HSPA14: variants seen among roughly 807,000 people sequenced by gnomAD.
HSPA14 encodes the protein heat shock protein family A (Hsp70) member 14, also known as heat shock 70 kDa protein 14.
Under a neutral mutation model 65.5 loss-of-function variants are expected in HSPA14, and 37 were observed. That is an observed-to-expected ratio of 0.56 (90% CI 0.43 to 0.74). The LOEUF (loss-of-function observed/expected upper bound fraction) is 0.74. Among genes scored for constraint, HSPA14 ranks in the 30% least tolerant of loss-of-function variants. The pLI is 0.00. For missense variants in HSPA14, 564 were observed against 607.6 expected (o/e 0.93, Z 0.75); for synonymous variants, 203 against 214.2 (o/e 0.95, Z 0.46).
At position 14,849,817 on chromosome 10, in the gene HSPA14, T is replaced by C. The variant is rs1233154117; in HGVS notation, c.467+6T>C. The C allele has an allele frequency of 1.9e-6, 3 of 1,562,538 alleles. No individual in the cohort carries two copies. Among genetic ancestry groups the C allele is most frequent in the Admixed American group, 3.4e-5 (2 of 58,866 alleles). ...AAGCAAAAAAATGCTCTTGGGTAAGTATATGGGGTTTATCTTACTGGCTTA... is the reference window on the plus strand; with the variant it reads ...AAGCAAAAAAATGCTCTTGGGTAAGCATATGGGGTTTATCTTACTGGCTTA... On this transcript the variant is annotated splice_donor_region_variant and intron_variant, in intron 6 of 13. Transcript: ENST00000378372.
intron 10 of HSPA14, among the ~76,000 whole-genome samples, chr10:14,858,447 C>T (rs1832725881): frequency 6.6e-6 from 1 of 152,182 alleles, no homozygotes; most frequent in Non-Finnish European, 1.5e-5. Context: ...GACCTTGGTA[C>T]AGTAAGAAAA....
rs11813780 is a variant in HSPA14 at position 14,861,082 on chromosome 10, T to C, written c.993+5139T>C. Among the ~76,000 whole-genome samples, 1,254 of 152,208 alleles carry C rather than the reference T, an allele frequency of 8.2e-3. 22 individuals carry two copies. Among genetic ancestry groups the C allele is most frequent in the African/African-American group, 0.028 (1,175 of 41,524 alleles). ...GAGGATTGACCCTTGGACTTGGCAATGTGGAATGGCTTGTCAGAGCAATTG... is the reference window on the plus strand; with the variant it reads ...GAGGATTGACCCTTGGACTTGGCAACGTGGAATGGCTTGTCAGAGCAATTG... On this transcript the variant is annotated intron_variant, in intron 10 of 13. Coordinates refer to ENST00000378372, the MANE Select transcript of HSPA14 (RefSeq NM_016299.4).
At chr10:14,861,642 C>T (rs989869986) in intron 10 of HSPA14, among the ~76,000 whole-genome samples, 1 of 152,086 alleles carries the variant, frequency 6.6e-6, no homozygotes, top group Non-Finnish European at 1.5e-5. Flanking sequence ...ATGCTGGATT[C>T]CTTCTTTTGT....
At chr10:14,866,233 C>T (rs190535273) in intron 10 of HSPA14, among the ~76,000 whole-genome samples, 163 of 152,196 alleles carry the variant, frequency 1.1e-3, no homozygotes, top group African/African-American at 3.4e-3. Flanking sequence ...CAAGGAAAAC[C>T]TAGTTTTTAA....
chr10:14,863,370 T>C (rs1832773694), intron 10 of HSPA14, among the ~76,000 whole-genome samples: 2 of 152,196 alleles, frequency 1.3e-5, no homozygotes, highest in Admixed American at 1.3e-4. Flanking sequence ...CCTTAGCTAC[T>C]TGGCTCCAAC....
At chr10:14,867,448 CCTA>C (rs1284891361) in intron 11 of HSPA14, among the ~76,000 whole-genome samples, 153 bp downstream of exon 11, 1 of 152,066 alleles carries the variant, frequency 6.6e-6, no homozygotes, top group Non-Finnish European at 1.5e-5. Flanking sequence ...GATTTATAAT[CCTA>C]CTTTTAAGGT....
chr10:14,845,563 A>G (rs1201674777), intron 3 of HSPA14: 1 of 977,864 alleles, frequency 1.0e-6, no homozygotes, highest in African/African-American at 1.8e-5. Flanking sequence ...AGTTTGTTTC[A>G]TCAGACAAAT....
At chr10:14,846,610 C>T (rs900391375) in intron 3 of HSPA14, 1 of 962,266 alleles carries the variant, frequency 1.0e-6, no homozygotes, top group Non-Finnish European at 1.2e-6. Flanking sequence ...TCCAGCATTC[C>T]ATAACTCAGG....
rs534733746 is a variant in HSPA14, at chr10:14,861,217, T to C, written c.993+5274T>C. Among the ~76,000 whole-genome samples the C allele has an allele frequency of 9.2e-5, 14 of 152,160 alleles. No homozygotes were observed. The East Asian group carries it at 1.5e-3, about 17-fold the overall frequency. On this transcript the variant is annotated intron_variant, in intron 10 of 13. Transcript: ENST00000378372. ...CTCTCAAGTTGTGTTACAAGGGCAA[T>C]AGGAAAATGGGGTGGTTGAGGGTGC... is the stretch of plus-strand genomic sequence containing the variant.
Position 14,866,719 on chromosome 10 carries a change from TAAAA to T in HSPA14, c.994-357_994-354del, listed in dbSNP as rs879480775. 3.1e-3 allele frequency among the ~76,000 whole-genome samples: 470 copies of T among 150,022 alleles called. 1 individual carries two copies. Among genetic ancestry groups the T allele is most frequent in the Non-Finnish European group, 5.7e-3 (384 of 67,332 alleles). On this transcript the variant is annotated intron_variant, in intron 10 of 13. Coordinates refer to ENST00000378372, the MANE Select transcript of HSPA14 (RefSeq NM_016299.4). Reference sequence around the variant, plus strand: ...AAAAATGCTTTAAGATTCAAACTTTTAAAAAAAAAACTTGGACAGTACAAAATAT... The same window carrying T: ...AAAAATGCTTTAAGATTCAAACTTTTAAAAAACTTGGACAGTACAAAATAT...
intron 7 of HSPA14, 135 bp downstream of exon 7, chr10:14,851,458 A>G (rs1834108134): frequency 1.6e-6 from 1 of 607,862 alleles, no homozygotes; most frequent in African/African-American, 2.0e-5. Context: ...ACTCTTGCCT[A>G]GAGTTTTTCA....
chr10:14,846,184 A>G (rs2131638642), intron 3 of HSPA14: 1 of 985,164 alleles, frequency 1.0e-6, no homozygotes, highest in Non-Finnish European at 1.2e-6. Context: ...TTCATTCTCA[A>G]TTGTCTTAGG....
intron 3 of HSPA14, chr10:14,844,620 T>C (rs2131637418): frequency 1.0e-6 from 1 of 985,340 alleles, no homozygotes; most frequent in East Asian, 1.1e-4. Context: ...CTTAGTCTCC[T>C]ATCAATATAA....
intron 3 of HSPA14, chr10:14,846,941 C>T (rs1311940374): frequency 2.0e-6 from 2 of 985,244 alleles, no homozygotes; most frequent in Non-Finnish European, 2.4e-6. Context: ...CTTCTCACCA[C>T]CTTTGTTTTT....
chr10:14,843,077 G>A (rs1299796549), intron 3 of HSPA14, among the ~76,000 whole-genome samples: 7 of 152,184 alleles, frequency 4.6e-5, no homozygotes, highest in Non-Finnish European at 8.8e-5. Flanking sequence ...GTGCTCTCTA[G>A]AACCAAACTA....
intron 3 of HSPA14, chr10:14,845,581 C>A (rs769834342): frequency 1.8e-5 from 17 of 957,072 alleles, no homozygotes; most frequent in Non-Finnish European, 2.1e-5. Context: ...AATCACTTGC[C>A]CTTTTCTATT....
chr10:14,845,938 C>G, intron 3 of HSPA14: 7 of 801,800 alleles, frequency 8.7e-6, no homozygotes, highest in Non-Finnish European at 1.1e-5. Context: ...CCTTCCAGCT[C>G]TAAAAAAATT....
At chr10:14,844,939 T>C (rs1271120378) in intron 3 of HSPA14, 1 of 985,358 alleles carries the variant, frequency 1.0e-6, no homozygotes, top group African/African-American at 1.7e-5. Context: ...TGAGGAGCTT[T>C]CCAAGATTCC....
chr10:14,870,986 G>A (rs1326011738), intron 13 of HSPA14, among the ~76,000 whole-genome samples: 2 of 152,064 alleles, frequency 1.3e-5, no homozygotes. Flanking sequence ...AACTGTTACT[G>A]TTTGCCCTAT....
Sources: allele counts gnomAD v4.1 joint callset (sites outside exome capture counted in the v4.1 genomes callset), GRCh38; gene constraint gnomAD v4.1.1; transcripts MANE v1.5; gene names NCBI Gene and HGNC (gene_info 2026-07-23, HGNC 2026-07-21).